Variants in DMD observed in about 807,000 individuals in gnomAD.
The protein encoded by DMD is dystrophin.
Under a neutral mutation model 330.1 loss-of-function variants are expected in DMD, and 63 were observed. That is an observed-to-expected ratio of 0.19 (90% CI 0.16 to 0.24). DMD has a LOEUF of 0.24. Ranked by LOEUF, DMD falls within the 10% of genes least tolerant of loss-of-function variation. The pLI, the probability that DMD is intolerant of heterozygous loss-of-function variation, is 1.00. For synonymous variants in DMD, 1,223 were observed against 959.8 expected (o/e 1.27, Z -5.07); for missense variants, 3,344 against 2,684.1 (o/e 1.25, Z -5.43).
chrX:32,563,067 G>A (rs1222791662), intron 16 of DMD, among the ~76,000 whole-genome samples: 8 of 111,080 alleles, frequency 7.2e-5, no homozygotes, highest in Middle Eastern at 4.6e-3. Flanking sequence ...TGGGCCGGGC[G>A]CGGTGACTTA....
At chrX:31,427,304 C>T (rs899308184) in intron 60 of DMD, among the ~76,000 whole-genome samples, 4 of 111,186 alleles carry the variant, frequency 3.6e-5, no homozygotes, top group African/African-American at 6.6e-5. Flanking sequence ...ACTCATTGCT[C>T]GAGTCTAAGC....
chrX:31,695,577 T>A (rs866117613), intron 52 of DMD, among the ~76,000 whole-genome samples: 2 of 102,541 alleles, frequency 2.0e-5, no homozygotes, highest in East Asian at 6.1e-4. Context: ...AAATTAAAAA[T>A]AAAAAAAAAA....
At chrX:31,787,695 T>C (rs1223571715) in intron 50 of DMD, among the ~76,000 whole-genome samples, 1 of 112,302 alleles carries the variant, frequency 8.9e-6, no homozygotes, top group African/African-American at 3.2e-5. Flanking sequence ...AGTGACTGTA[T>C]TGAACTAAAC....
At chrX:33,150,451 G>A (rs937024087) in intron 1 of DMD, among the ~76,000 whole-genome samples, 5 of 109,148 alleles carry the variant, frequency 4.6e-5, no homozygotes, top group African/African-American at 6.7e-5. Context: ...GCACCACCAC[G>A]CCCGGCTAAT....
chrX:32,715,638 A>G (rs1202601857), intron 7 of DMD, among the ~76,000 whole-genome samples: 1 of 108,844 alleles, frequency 9.2e-6, no homozygotes, highest in Non-Finnish European at 1.9e-5. Flanking sequence ...CATCTCTACT[A>G]AAAATGCAAA....
intron 55 of DMD, among the ~76,000 whole-genome samples, chrX:31,561,587 A>G (rs2075201845): frequency 8.9e-6 from 1 of 111,952 alleles, no homozygotes; most frequent in Admixed American, 9.5e-5. Context: ...ATGCGGGTTA[A>G]CTCAATGCTG....
intron 48 of DMD, among the ~76,000 whole-genome samples, chrX:31,864,485 CTTTTTTTTTTTT>C (rs201374257): frequency 1.8e-5 from 1 of 54,331 alleles, no homozygotes; most frequent in Non-Finnish European, 3.1e-5. Flanking sequence ...TTTTGAAGGC[CTTTTTTTTTTTT>C]TTTTTTTTTT....
chrX:32,646,978 C>G (rs1328161607), intron 9 of DMD, among the ~76,000 whole-genome samples: 2 of 110,522 alleles, frequency 1.8e-5, no homozygotes, highest in African/African-American at 3.3e-5. Context: ...GAACAACTTC[C>G]ATGGTGTATC....
At chrX:33,337,230 GGA>G (rs2054268370) in intron 1 of DMD, among the ~76,000 whole-genome samples, 1 of 111,707 alleles carries the variant, frequency 9.0e-6, no homozygotes, top group South Asian at 3.7e-4. Context: ...ATTCACAAAA[GGA>G]GAGTCCTACT....
At chrX:31,511,780 G>A (rs2071626836) in intron 55 of DMD, among the ~76,000 whole-genome samples, 1 of 105,647 alleles carries the variant, frequency 9.5e-6, no homozygotes, top group East Asian at 3.0e-4. Flanking sequence ...TGTGAATAGT[G>A]CCGCAATAAA....
At chrX:31,524,094 CA>C (rs1231460196) in intron 55 of DMD, among the ~76,000 whole-genome samples, 1 of 111,881 alleles carries the variant, frequency 8.9e-6, no homozygotes. Flanking sequence ...TTCATTTTGG[CA>C]ACTATAAATT....
chrX:32,605,712 C>T (rs189385911), intron 12 of DMD, among the ~76,000 whole-genome samples: 1 of 110,690 alleles, frequency 9.0e-6, no homozygotes, highest in Non-Finnish European at 1.9e-5. Flanking sequence ...AAATAGATAA[C>T]CCCATTAAAA....
chrX:33,045,315 T>TACACACACACACACACAC (rs55970492), intron 1 of DMD, among the ~76,000 whole-genome samples: 14,312 of 96,483 alleles, frequency 0.15, 1,049 homozygotes, highest in Middle Eastern at 0.19. Flanking sequence ...CACAGGTGCG[T>TACACACACACACACACAC]ACACACACAC....
At chrX:32,199,783 TG>T (rs1172422000) in intron 44 of DMD, among the ~76,000 whole-genome samples, 3 of 31,360 alleles carry the variant, frequency 9.6e-5, no homozygotes, top group Non-Finnish European at 1.5e-4. Flanking sequence ...AAGGCTTTTG[TG>T]TGTGTGTGTG....
intron 1 of DMD, among the ~76,000 whole-genome samples, chrX:33,185,067 C>T (rs1042060222): frequency 5.4e-5 from 6 of 110,250 alleles, no homozygotes; most frequent in African/African-American, 2.0e-4. Context: ...CAGAGATCAG[C>T]CTGCTTTAGA....
At chrX:32,393,346 T>G (rs1006114539) in intron 30 of DMD, among the ~76,000 whole-genome samples, 1 of 111,240 alleles carries the variant, frequency 9.0e-6, no homozygotes, top group Non-Finnish European at 1.9e-5. Flanking sequence ...ATAAGGAGTT[T>G]GGCAAAATTT....
rs778869230 is a variant in DMD at position 32,850,933 on chromosome X, ATATTCCTAAAAGGTAC to A, written c.94-1129_94-1114del. The stretch of plus-strand genomic sequence containing the variant: ...TAGAACTTAGAGTCCAGCAAAGAAA[ATATTCCTAAAAGGTAC>A]TATTACATAGAAGCATTAGAAAGGA... On this transcript the variant is annotated intron_variant, in intron 2 of 78. Transcript: ENST00000357033. Among the ~76,000 whole-genome samples the A allele has an allele frequency of 2.2e-3, 249 of 111,632 alleles. 2 individuals are homozygous for A. The highest frequency in any genetic ancestry group is 7.8e-3 in the African/African-American group (241 of 30,735).
intron 2 of DMD, among the ~76,000 whole-genome samples, chrX:32,913,016 GTTT>G (rs374067129): frequency 3.7e-4 from 42 of 112,139 alleles, no homozygotes; most frequent in African/African-American, 1.2e-3. Context: ...TTTTGTTTTT[GTTT>G]TTGTTTTTTA....
intron 65 of DMD, among the ~76,000 whole-genome samples, chrX:31,208,246 G>A (rs952683219): frequency 1.8e-5 from 2 of 111,072 alleles, no homozygotes; most frequent in African/African-American, 6.5e-5. Context: ...GGGCACTAAT[G>A]GACTAAACAA....
Sources: gnomAD v4.1 joint callset for allele counts (sites outside exome capture counted in the v4.1 genomes callset) on GRCh38, gnomAD v4.1.1 for gene constraint, MANE v1.5 for transcripts, NCBI Gene and HGNC (gene_info 2026-07-23, HGNC 2026-07-21) for gene names.